The following PPP2CB variants were observed in gnomAD, a reference collection of about 807,000 sequenced individuals.
The protein encoded by PPP2CB is serine/threonine-protein phosphatase 2A catalytic subunit beta isoform.
In PPP2CB, 18 loss-of-function variants were observed where a neutral mutation model predicts 39.1. That is an observed-to-expected ratio of 0.46 (90% CI 0.32 to 0.68). The LOEUF (loss-of-function observed/expected upper bound fraction) is 0.68. Ranked by LOEUF, PPP2CB falls within the 30% of genes least tolerant of loss-of-function variation. The pLI is 0.04. For missense variants in PPP2CB, 226 were observed against 396.9 expected, an observed-to-expected ratio of 0.57 and a Z score of 3.66; for synonymous variants, 129 against 133.8, an observed-to-expected ratio of 0.96 and a Z score of 0.25.
At chr8:30,804,549 C>T (rs926333929) in intron 1 of PPP2CB, among the ~76,000 whole-genome samples, 4 of 152,136 alleles carry the variant, frequency 2.6e-5, no homozygotes, top group Admixed American at 2.0e-4. Context: ...TGTATTCATT[C>T]CCTGTAATAA....
intron 1 of PPP2CB, among the ~76,000 whole-genome samples, chr8:30,811,964 A>G (rs1806837741): frequency 6.6e-6 from 1 of 152,158 alleles, no homozygotes; most frequent in African/African-American, 2.4e-5. Flanking sequence ...TCCACTCGGG[A>G]AATGCTAGAG....
At position 30,796,992 on chromosome 8, in the gene PPP2CB, C is replaced by T. The variant is rs566506523; in HGVS notation, c.486+589G>A. On this transcript the variant is annotated intron_variant, in intron 3 of 6. Coordinates refer to ENST00000221138, the MANE Select transcript of PPP2CB (RefSeq NM_001009552.2). ...CCTGAGTAGCTAGACCACAAGCACGCGCCACTATGCCTAGCTAATTTTTAA... is the reference window on the plus strand; with the variant it reads ...CCTGAGTAGCTAGACCACAAGCACGTGCCACTATGCCTAGCTAATTTTTAA... 1.1e-3 allele frequency among the ~76,000 whole-genome samples: 162 copies of T among 152,058 alleles called. 1 individual carries two copies. In the South Asian group the frequency reaches 0.019, roughly 18 times the overall value.
intron 1 of PPP2CB, among the ~76,000 whole-genome samples, chr8:30,809,316 C>T (rs1563218133): frequency 6.6e-6 from 1 of 152,084 alleles, no homozygotes; most frequent in African/African-American, 2.4e-5. Context: ...AGCTAGCAAG[C>T]TGTGAAGCAG....
intron 5 of PPP2CB, among the ~76,000 whole-genome samples, chr8:30,792,807 T>C (rs1806460587): frequency 6.6e-6 from 1 of 152,150 alleles, no homozygotes; most frequent in Non-Finnish European, 1.5e-5. Flanking sequence ...TTTGATTATT[T>C]ATCCAATCTA....
chr8:30,812,379 C>T lies in PPP2CB; in HGVS notation c.43G>A (p.Glu15Lys). The part of the protein sequence containing the change: ...AFTKELDQWV[E>K]QLNECKQLNE... ...AGCTGCTTACACTCGTTCAGCTGCT[C>T]GACCCACTGGTCCAGCTCCTTGGTG... The change falls in exon 1 of 7, where the codon GAG becomes AAG. Residue 15 changes from glutamate to lysine, a missense_variant. By Grantham distance (56) the Glu-to-Lys change is moderately conservative. Around this residue, in one of 4 missense-constraint regions of PPP2CB, gnomAD observed 59 missense variants for 42.6 expected, o/e 1.38. Coordinates refer to ENST00000221138, the MANE Select transcript of PPP2CB (RefSeq NM_001009552.2). 6.4e-7 allele frequency: 1 copy of T among 1,562,084 alleles called. No individual in the cohort carries two copies. The highest frequency in any genetic ancestry group is 8.7e-7 in the Non-Finnish European group (1 of 1,151,240).
intron 6 of PPP2CB, among the ~76,000 whole-genome samples, chr8:30,788,246 A>T (rs531791617): frequency 2.6e-5 from 4 of 151,156 alleles, no homozygotes; most frequent in Non-Finnish European, 4.4e-5. Context: ...ACTGATTTCA[A>T]ATCTTCTTGT....
At chr8:30,807,362 T>C (rs760444384) in intron 1 of PPP2CB, among the ~76,000 whole-genome samples, 10 of 152,220 alleles carry the variant, frequency 6.6e-5, no homozygotes, top group Non-Finnish European at 1.0e-4. Context: ...CAGAATCTAA[T>C]CTTCATTAAG....
intron 1 of PPP2CB, among the ~76,000 whole-genome samples, chr8:30,808,339 T>C (rs985280072): frequency 1.3e-5 from 2 of 151,916 alleles, no homozygotes; most frequent in Non-Finnish European, 2.9e-5. Context: ...GCTCAGACAA[T>C]CCGCCCACCT....
chr8:30,795,534 A>C (rs535252631), intron 3 of PPP2CB, among the ~76,000 whole-genome samples: 1 of 152,234 alleles, frequency 6.6e-6, no homozygotes, highest in African/African-American at 2.4e-5. Context: ...TTTTTTTCCA[A>C]ATGACTTTGG....
chr8:30,793,243 A>G (rs1806467197), intron 5 of PPP2CB: 1 of 152,220 alleles, frequency 6.6e-6, no homozygotes, highest in Admixed American at 6.5e-5. Context: ...TATTTCTGTA[A>G]GATAAAATGC....
In PPP2CB at chr8:30,786,445, A is replaced by G. The variant is rs1237591325; in HGVS notation, c.858-138T>C. The G allele has an allele frequency of 4.7e-6, 3 of 643,904 alleles. No individual in the cohort carries two copies. In the African/African-American group the frequency reaches 5.7e-5, roughly 12 times the overall value. 39.9% of individuals were successfully genotyped at this position (643,904 alleles called of 1,614,324 possible). ...TACATCACTTACGGCTGGAATGGCC[A>G]TGGGCAAATCACTGCAGATGCTCCC... On this transcript the variant is annotated intron_variant, in intron 6 of 6. Coordinates refer to ENST00000221138, the MANE Select transcript of PPP2CB (RefSeq NM_001009552.2).
At chr8:30,802,140 T>C (rs762364602) in intron 1 of PPP2CB, among the ~76,000 whole-genome samples, 20 of 152,240 alleles carry the variant, frequency 1.3e-4, no homozygotes, top group Non-Finnish European at 2.5e-4. Context: ...TTCTCCTTGC[T>C]TGTAATTAAT....
At chr8:30,811,640 C>A (rs1056340275) in intron 1 of PPP2CB, among the ~76,000 whole-genome samples, 38 of 151,846 alleles carry the variant, frequency 2.5e-4, no homozygotes, top group South Asian at 1.5e-3. Context: ...GGATTACAGG[C>A]ACCCGCCGTC....
intron 6 of PPP2CB, among the ~76,000 whole-genome samples, chr8:30,787,853 CCACCATGCT>C (rs1413062644): frequency 6.6e-5 from 10 of 152,168 alleles, no homozygotes; most frequent in African/African-American, 2.4e-4. Flanking sequence ...TAGGTGTGAG[CCACCATGCT>C]GGCTCAATAT....
chr8:30,786,446 T>C, intron 6 of PPP2CB, 139 bp from the exon 7 acceptor site: 2 of 628,404 alleles, frequency 3.2e-6, no homozygotes, highest in Non-Finnish European at 5.3e-6. Flanking sequence ...GGAATGGCCA[T>C]GGGCAAATCA....
At position 30,812,465 on chromosome 8, in the gene PPP2CB, C is replaced by G; in HGVS notation, c.-44G>C. 1 of 1,383,728 alleles carries G rather than the reference C, an allele frequency of 7.2e-7. No individual in the cohort carries two copies. Among genetic ancestry groups the G allele is most frequent in the Non-Finnish European group, 9.6e-7 (1 of 1,042,688 alleles). The allele number at this position is 1,383,728 out of a possible 1,614,324, so 85.7% of individuals were successfully genotyped here. On this transcript the variant is annotated 5_prime_UTR_variant, in exon 1 of 7. Transcript: ENST00000221138. ...CGGATCCCGAGCCCCAGCCCGGCCG[C>G]CGCCCTCCCCCCTCCCCACCCGCCC...
intron 1 of PPP2CB, among the ~76,000 whole-genome samples, chr8:30,804,502 T>C (rs910862218): frequency 6.6e-6 from 1 of 152,236 alleles, no homozygotes; most frequent in African/African-American, 2.4e-5. Context: ...TCTTGTACTC[T>C]GCCCTTATGA....
chr8:30,797,604 G>C lies in PPP2CB; in HGVS notation c.463C>G (p.Leu155Val). 1.2e-6 allele frequency: 2 copies of C among 1,613,732 alleles called. No homozygotes were observed. Among genetic ancestry groups the C allele is most frequent in the Admixed American group, 1.7e-5 (1 of 59,988 alleles). ...YFTDLFDYLP[L>V]TALVDGQIFC... The stretch of plus-strand genomic sequence containing the variant: ...ACCTGTCCATCTACTAAAGCTGTAA[G>C]TGGAAGATAATCAAAGAGATCTGTA... The change falls in exon 3 of 7, where the codon CTT (leucine) becomes GTT (valine). Residue 155 changes from leucine (L) to valine (V), a missense_variant. Coordinates refer to ENST00000221138, the MANE Select transcript of PPP2CB (RefSeq NM_001009552.2).
chr8:30,810,683 C>G (rs1272013800), intron 1 of PPP2CB, among the ~76,000 whole-genome samples: 1 of 152,166 alleles, frequency 6.6e-6, no homozygotes, highest in Non-Finnish European at 1.5e-5. Context: ...TCAACTGAAG[C>G]CACAAGTAAG....
Sources: allele counts gnomAD v4.1 joint callset (sites outside exome capture counted in the v4.1 genomes callset), GRCh38; gene constraint gnomAD v4.1.1; regional missense constraint gnomAD v4.1.1; transcripts MANE v1.5; gene names NCBI Gene and HGNC (gene_info 2026-07-23, HGNC 2026-07-21).